Variants in EPHA7 observed in about 807,000 individuals in gnomAD.
The protein encoded by EPHA7 is ephrin type-A receptor 7.
Under a neutral mutation model 112.6 loss-of-function variants are expected in EPHA7, and 25 were observed. That is an observed-to-expected ratio of 0.22 (90% CI 0.16 to 0.31). The LOEUF (loss-of-function observed/expected upper bound fraction) is 0.31. Among genes scored for constraint, EPHA7 ranks in the 10% least tolerant of loss-of-function variants. The pLI, the probability that EPHA7 is intolerant of heterozygous loss-of-function variation, is 1.00. For synonymous variants in EPHA7, 437 were observed against 406.5 expected (o/e 1.07, Z -0.90); for missense variants, 962 against 1,212.6 (o/e 0.79, Z 3.07).
intron 5 of EPHA7, among the ~76,000 whole-genome samples, chr6:93,330,317 T>C (rs1774528905): frequency 1.3e-5 from 2 of 151,258 alleles, no homozygotes; most frequent in African/African-American, 2.4e-5. Flanking sequence ...AATCCTCTCT[T>C]CTAGCTATTT....
chr6:93,362,613 T>C (rs1053674904), intron 3 of EPHA7, among the ~76,000 whole-genome samples: 1 of 152,084 alleles, frequency 6.6e-6, no homozygotes, highest in Non-Finnish European at 1.5e-5. Context: ...ATAGTTGTCT[T>C]CAATAGATGT....
chr6:93,396,620 G>A (rs1193726329), intron 3 of EPHA7, among the ~76,000 whole-genome samples: 1 of 151,754 alleles, frequency 6.6e-6, no homozygotes, highest in Non-Finnish European at 1.5e-5. Context: ...ATGATAAAAT[G>A]TTTTTACGAA....
intron 2 of EPHA7, among the ~76,000 whole-genome samples, chr6:93,411,860 A>T (rs1778991576): frequency 6.6e-6 from 1 of 152,232 alleles, no homozygotes; most frequent in South Asian, 2.1e-4. Context: ...TCAAATGTAC[A>T]TGGCAAATCT....
At chr6:93,382,436 C>T (rs1020195270) in intron 3 of EPHA7, among the ~76,000 whole-genome samples, 2 of 152,188 alleles carry the variant, frequency 1.3e-5, no homozygotes, top group Non-Finnish European at 2.9e-5. Flanking sequence ...AATGAACCTG[C>T]CTGCCCCGCA....
chr6:93,360,719 C>T (rs1230935859), intron 3 of EPHA7, among the ~76,000 whole-genome samples: 1 of 152,094 alleles, frequency 6.6e-6, no homozygotes, highest in East Asian at 1.9e-4. Context: ...AAACTCTTAT[C>T]ACTTAACTTT....
At chr6:93,416,869 TGGGGCGGGGCCGTCGGAGGGGC>T (rs1779258593) in intron 1 of EPHA7, among the ~76,000 whole-genome samples, 1 of 136,012 alleles carries the variant, frequency 7.4e-6, no homozygotes, top group Non-Finnish European at 1.6e-5. Context: ...GTCCCGGGGC[TGGGGCGGGGCCGTCGGAGGGGC>T]GGGGCGGGGG....
intron 3 of EPHA7, among the ~76,000 whole-genome samples, chr6:93,367,744 AC>A (rs776060784): frequency 1.3e-5 from 2 of 152,142 alleles, no homozygotes; most frequent in Non-Finnish European, 2.9e-5. Flanking sequence ...TAATAATAAG[AC>A]TATCTTATAA....
chr6:93,344,478 C>T (rs1378020016), intron 5 of EPHA7, among the ~76,000 whole-genome samples: 1 of 151,544 alleles, frequency 6.6e-6, no homozygotes, highest in African/African-American at 2.4e-5. Flanking sequence ...CATTCTCTGT[C>T]TTAAAGTCTT....
intron 14 of EPHA7, among the ~76,000 whole-genome samples, chr6:93,253,470 T>A (rs2127853725): frequency 6.6e-6 from 1 of 152,050 alleles, no homozygotes; most frequent in East Asian, 1.9e-4. Context: ...AAATGTTAGT[T>A]GTCTAAAAAT....
chr6:93,407,598 C>T (rs538615469), intron 3 of EPHA7, among the ~76,000 whole-genome samples: 16 of 152,094 alleles, frequency 1.1e-4, no homozygotes, highest in East Asian at 7.7e-4. Flanking sequence ...CATATTCTTT[C>T]GATTAAACCA....
intron 10 of EPHA7, 88 bp from the exon 11 acceptor site, chr6:93,258,372 A>C: frequency 7.9e-7 from 1 of 1,265,664 alleles, no homozygotes; most frequent in East Asian, 2.4e-5. Context: ...ATTTTTCTTT[A>C]ACTTTTAGTA....
intron 5 of EPHA7, among the ~76,000 whole-genome samples, chr6:93,277,286 T>C (rs1189478683): frequency 6.6e-6 from 1 of 152,030 alleles, no homozygotes; most frequent in Non-Finnish European, 1.5e-5. Context: ...TAAAAATACA[T>C]ACAAATTTGC....
intron 3 of EPHA7, among the ~76,000 whole-genome samples, chr6:93,392,955 A>C (rs999100450): frequency 6.6e-6 from 1 of 151,912 alleles, no homozygotes; most frequent in Non-Finnish European, 1.5e-5. Context: ...ACAATTACAT[A>C]AACTTATTTA....
intron 14 of EPHA7, among the ~76,000 whole-genome samples, chr6:93,252,590 T>C (rs1460635368): frequency 6.6e-6 from 1 of 151,934 alleles, no homozygotes; most frequent in African/African-American, 2.4e-5. Flanking sequence ...GAAATCATTA[T>C]CCTAAATTAT....
At chr6:93,364,567 T>C (rs1402416507) in intron 3 of EPHA7, among the ~76,000 whole-genome samples, 2 of 149,780 alleles carry the variant, frequency 1.3e-5, no homozygotes, top group Non-Finnish European at 3.0e-5. Flanking sequence ...TCATCAGTAA[T>C]GTACCTTCAA....
intron 3 of EPHA7, chr6:93,409,581 T>A (rs1446863536): frequency 6.6e-6 from 1 of 151,970 alleles, no homozygotes; most frequent in East Asian, 1.9e-4. Context: ...CTGGCTCTGG[T>A]GTAAAAATAA....
intron 8 of EPHA7, among the ~76,000 whole-genome samples, 193 bp from the exon 9 acceptor site, chr6:93,264,108 G>A (rs941719662): frequency 2.6e-5 from 4 of 151,470 alleles, no homozygotes; most frequent in Non-Finnish European, 4.4e-5. Flanking sequence ...GTGAGAAAAT[G>A]TAAAAGGAAC....
intron 5 of EPHA7, among the ~76,000 whole-genome samples, chr6:93,286,245 G>A (rs1398064519): frequency 6.6e-6 from 1 of 152,088 alleles, no homozygotes; most frequent in Non-Finnish European, 1.5e-5. Context: ...CTATACAGAT[G>A]ATTCTCATGG....
intron 2 of EPHA7, among the ~76,000 whole-genome samples, chr6:93,411,667 G>C (rs909923760): frequency 6.6e-6 from 1 of 151,994 alleles, no homozygotes; most frequent in African/African-American, 2.4e-5. Flanking sequence ...ACAACCTGTT[G>C]ATATTTATAA....
Sources: gnomAD v4.1 joint callset for allele counts (sites outside exome capture counted in the v4.1 genomes callset) on GRCh38, gnomAD v4.1.1 for gene constraint, MANE v1.5 for transcripts, NCBI Gene and HGNC (gene_info 2026-07-23, HGNC 2026-07-21) for gene names.